The following P4HA3 variants were observed in gnomAD, a reference collection of about 807,000 sequenced individuals.
The protein encoded by P4HA3 is prolyl 4-hydroxylase subunit alpha 3.
In P4HA3, 60 loss-of-function variants were observed where a neutral mutation model predicts 66.7. The ratio of observed to expected loss-of-function variants is 0.90; its 90% CI spans 0.73 to 1.12. The LOEUF is 1.12. P4HA3 is among the 50% of genes most tolerant of loss of function. The probability of loss-of-function intolerance (pLI) is 0.00; values close to 1 mark genes in which losing one functional copy is unlikely to be tolerated. For synonymous variants in P4HA3, 263 were observed against 274.6 expected (o/e 0.96, Z 0.42); for missense variants, 683 against 685.8 (o/e 1.00, Z 0.05).
At chr11:74,250,915 T>G (rs1169820289) in intron 15 of P4HA3, 2 of 1,530,036 alleles carry the variant, frequency 1.3e-6, no homozygotes, top group East Asian at 4.7e-5. Flanking sequence ...AGAGGGCTCT[T>G]TTAGTCGCTG....
intron 7 of P4HA3, among the ~76,000 whole-genome samples, chr11:74,284,868 C>A (rs1192221626): frequency 2.6e-5 from 4 of 152,114 alleles, no homozygotes; most frequent in African/African-American, 4.8e-5. Context: ...GTCCCTTTCC[C>A]AAAGCACACT....
intron 3 of P4HA3, among the ~76,000 whole-genome samples, chr11:74,298,745 G>A (rs565032430): frequency 6.6e-6 from 1 of 152,318 alleles, no homozygotes; most frequent in South Asian, 2.1e-4. Flanking sequence ...CTTCCTTGAA[G>A]AAGGAAAAGG....
At chr11:74,291,692 A>G (rs1405640375) in intron 4 of P4HA3, among the ~76,000 whole-genome samples, 1 of 152,220 alleles carries the variant, frequency 6.6e-6, no homozygotes, top group Non-Finnish European at 1.5e-5. Flanking sequence ...TTCTGCATCT[A>G]TTGAGATAAT....
Position 74,302,429 on chromosome 11 carries a change from G to T in P4HA3, c.507C>A (p.Asp169Glu). 6.2e-7 allele frequency: 1 copy of T among 1,614,150 alleles called. No homozygotes were observed. The highest frequency in any genetic ancestry group is 8.5e-7 in the Non-Finnish European group (1 of 1,180,030). Residue 169 changes from aspartate (D) to glutamate (E), a missense_variant, in exon 3 of 13, where the codon GAC (aspartate) becomes GAA (glutamate). Transcript: ENST00000331597. ...FQRVTGSAITDLYSPKRLFSL... is the reference protein window; with the variant it reads ...FQRVTGSAITELYSPKRLFSL... Reference sequence around the variant, plus strand: ...AAAAGAGCCGTTTGGGGCTGTACAGGTCAGTGATGGCAGAGCCAGTGACTC... The same window carrying T: ...AAAAGAGCCGTTTGGGGCTGTACAGTTCAGTGATGGCAGAGCCAGTGACTC...
At chr11:74,290,681 GC>G (rs1224028835) in intron 4 of P4HA3, among the ~76,000 whole-genome samples, 1 of 152,082 alleles carries the variant, frequency 6.6e-6, no homozygotes, top group African/African-American at 2.4e-5. Flanking sequence ...AGTTTTCCCA[GC>G]ACCATTTATT....
At chr11:74,301,607 T>C (rs1373619531) in intron 3 of P4HA3, among the ~76,000 whole-genome samples, 1 of 152,158 alleles carries the variant, frequency 6.6e-6, no homozygotes, top group African/African-American at 2.4e-5. Context: ...TCAGGAAAAA[T>C]ACACCTTACT....
Position 74,304,270 on chromosome 11 carries a change from C to T in P4HA3, c.343G>A (p.Ala115Thr). ...HSLEASENIRALKDGYEKVEQ... is the reference protein window; with the variant it reads ...HSLEASENIRTLKDGYEKVEQ... ...ACCCTCCAGCCCTCCTCCTCATTACCTCGGATGTTCTCACTGGCCTCCAGA... is the reference window on the plus strand; with the variant it reads ...ACCCTCCAGCCCTCCTCCTCATTACTTCGGATGTTCTCACTGGCCTCCAGA... Residue 115 changes from alanine (A) to threonine (T), a missense_variant and splice_region_variant, in exon 2 of 13, where the codon GCT (alanine) becomes ACT (threonine). Physicochemically the swap from Ala to Thr is moderately conservative, Grantham distance 58. Transcript: ENST00000331597. 6.2e-7 allele frequency: 1 copy of T among 1,613,640 alleles called. No homozygotes were observed. The highest frequency in any genetic ancestry group is 8.5e-7 in the Non-Finnish European group (1 of 1,179,778).
At chr11:74,260,440 C>A (rs1859889287) in intron 14 of P4HA3, among the ~76,000 whole-genome samples, 1 of 152,196 alleles carries the variant, frequency 6.6e-6, no homozygotes, top group African/African-American at 2.4e-5. Flanking sequence ...ACCCCAGAAT[C>A]TGGAGAGAAT....
At chr11:74,258,195 T>C (rs1431800284) in intron 15 of P4HA3, among the ~76,000 whole-genome samples, 1 of 152,144 alleles carries the variant, frequency 6.6e-6, no homozygotes. Context: ...AGAGGCTCCC[T>C]TATTCCTCGA....
downstream of P4HA3, among the ~76,000 whole-genome samples, chr11:74,262,052 G>A (rs1469725078): frequency 6.6e-6 from 1 of 152,126 alleles, no homozygotes; most frequent in Non-Finnish European, 1.5e-5. Context: ...CAGGAGACAT[G>A]GTGGTCATTA....
chr11:74,267,008 T>G lies in P4HA3; in HGVS notation c.*240A>C. ...AGAAACTTCCCTCTCAGGCCTCCAC[T>G]CCCCCCTCCTTTGTACTGTGCATCC... On this transcript the variant is annotated 3_prime_UTR_variant, in exon 13 of 13. Coordinates refer to ENST00000331597, the MANE Select transcript of P4HA3 (RefSeq NM_182904.5). 2.0e-6 allele frequency: 3 copies of G among 1,504,464 alleles called. No individual in the cohort carries two copies. Among genetic ancestry groups the G allele is most frequent in the South Asian group, 2.5e-5 (2 of 79,180 alleles). The allele number at this position is 1,504,464 out of a possible 1,614,324, so 93.2% of individuals were successfully genotyped here. A position where few individuals can be genotyped will look rare whatever the true frequency, so the allele number is the denominator to read the frequency against.
rs751888675 is a variant in P4HA3, at chr11:74,286,198, C to T, written c.933+30G>A. On this transcript the variant is annotated intron_variant, in intron 6 of 12. Coordinates refer to ENST00000331597, the MANE Select transcript of P4HA3 (RefSeq NM_182904.5). ...CTTCTCAAACTCTAGCCAGGCCTCTCCCCCTTTCTCTTTCCCTGAGGAATC... is the reference window on the plus strand; with the variant it reads ...CTTCTCAAACTCTAGCCAGGCCTCTTCCCCTTTCTCTTTCCCTGAGGAATC... 61 of 1,605,426 alleles carry T rather than the reference C, an allele frequency of 3.8e-5. No individual in the cohort carries two copies. The South Asian group carries it at 6.0e-4, about 16-fold the overall frequency.
chr11:74,295,439 T>C (rs981108979), intron 4 of P4HA3, among the ~76,000 whole-genome samples: 3 of 152,178 alleles, frequency 2.0e-5, no homozygotes, highest in African/African-American at 7.2e-5. Flanking sequence ...GATTAACTGA[T>C]AGAAATGTAT....
intron 4 of P4HA3, among the ~76,000 whole-genome samples, chr11:74,296,112 C>A (rs1226577960): frequency 6.6e-6 from 1 of 152,168 alleles, no homozygotes; most frequent in African/African-American, 2.4e-5. Flanking sequence ...TGACATTTAT[C>A]CAGTAAGTAG....
intron 4 of P4HA3, among the ~76,000 whole-genome samples, chr11:74,293,740 A>G (rs1218832393): frequency 6.6e-6 from 1 of 152,176 alleles, no homozygotes; most frequent in Non-Finnish European, 1.5e-5. Context: ...TTCTGGGTTG[A>G]AAATTCTTTT....
chr11:74,285,981 G>A lies in P4HA3; in HGVS notation c.938C>T (p.Thr313Ile). ...GLCQTLGSQP[T>I]LYQIPSLYCS... ...GTAGAGGCTAGGGATCTGGTAGAGA[G>A]TGGGCTGGAAGGAAAGAATAGGATG... Residue 313 changes from threonine to isoleucine, a missense_variant, in exon 7 of 13, where the codon ACT (threonine) becomes ATT (isoleucine). By Grantham distance (89) the Thr-to-Ile change is moderately conservative. Coordinates refer to ENST00000331597, the MANE Select transcript of P4HA3 (RefSeq NM_182904.5). The A allele has an allele frequency of 6.2e-7, 1 of 1,605,590 alleles. No individual in the cohort carries two copies. The highest frequency in any genetic ancestry group is 8.5e-7 in the Non-Finnish European group (1 of 1,172,328).
chr11:74,306,277 CT>C (rs1464553369), intron 1 of P4HA3, among the ~76,000 whole-genome samples: 1 of 152,178 alleles, frequency 6.6e-6, no homozygotes, highest in Admixed American at 6.5e-5. Flanking sequence ...AAGTGATCAT[CT>C]TTCCAGTTAA....
chr11:74,298,139 T>C, intron 4 of P4HA3, 73 bp downstream of exon 4: 1 of 1,523,734 alleles, frequency 6.6e-7, no homozygotes, highest in Non-Finnish European at 8.9e-7. Context: ...TGAAAATACT[T>C]AGAAATTGTA....
At chr11:74,261,605 A>T (rs1859908033) in intron 14 of P4HA3, among the ~76,000 whole-genome samples, 1 of 152,080 alleles carries the variant, frequency 6.6e-6, no homozygotes, top group South Asian at 2.1e-4. Context: ...TTTTGCTGGG[A>T]TTGTAACTAT....
Sources: allele counts gnomAD v4.1 joint callset (sites outside exome capture counted in the v4.1 genomes callset), GRCh38; gene constraint gnomAD v4.1.1; transcripts MANE v1.5; gene names NCBI Gene and HGNC (gene_info 2026-07-23, HGNC 2026-07-21).